Variants in GLRA2 observed in about 807,000 individuals in gnomAD.
GLRA2 encodes the protein glycine receptor alpha 2.
In GLRA2, 11 loss-of-function variants were observed where a neutral mutation model predicts 31.6. That is an observed-to-expected ratio of 0.35 (90% CI 0.22 to 0.58). GLRA2 has a LOEUF of 0.58. GLRA2 is among the 20% of genes least tolerant of loss of function. The pLI is 0.84. For synonymous variants in GLRA2, 132 were observed against 134.0 expected (o/e 0.99, Z 0.10); for missense variants, 212 against 351.8 (o/e 0.60, Z 3.18).
At chrX:14,463,513 CG>C in the GLRA2 span, among the ~76,000 whole-genome samples, 1 of 111,458 alleles carries the variant, frequency 9.0e-6, no homozygotes, top group Non-Finnish European at 1.9e-5. Flanking sequence ...CCACCCATCT[CG>C]GGCTACCCTG....
intron 7 of GLRA2, among the ~76,000 whole-genome samples, chrX:14,609,569 A>G (rs2090376157): frequency 1.8e-5 from 2 of 111,382 alleles, no homozygotes; most frequent in Admixed American, 9.6e-5. Flanking sequence ...ATTTTCAAGT[A>G]TTTATTGGTG....
chrX:14,530,970 A>G, intron 1 of GLRA2: 1 of 861,134 alleles, frequency 1.2e-6, no homozygotes, highest in Non-Finnish European at 1.5e-6. Flanking sequence ...ATTTTTTCAC[A>G]GAACCAAGAT....
chrX:14,613,381 G>A (rs1306490333), intron 7 of GLRA2, among the ~76,000 whole-genome samples: 1 of 111,956 alleles, frequency 8.9e-6, no homozygotes, highest in Non-Finnish European at 1.9e-5. Flanking sequence ...TCATATGTAT[G>A]TGTGTACAAG....
chrX:14,583,120 C>G (rs1333176116), intron 4 of GLRA2, among the ~76,000 whole-genome samples: 1 of 110,916 alleles, frequency 9.0e-6, no homozygotes, highest in Admixed American at 9.6e-5. Context: ...CAATGAGACA[C>G]CATCTCACAC....
At chrX:14,485,138 T>G in the GLRA2 span, among the ~76,000 whole-genome samples, 7 of 112,122 alleles carry the variant, frequency 6.2e-5, no homozygotes, top group African/African-American at 2.3e-4. Context: ...CATCACTCTT[T>G]CACGTACCTT....
chrX:14,700,422 T>C (rs938560819), intron 8 of GLRA2, among the ~76,000 whole-genome samples: 1 of 110,999 alleles, frequency 9.0e-6, no homozygotes, highest in Non-Finnish European at 1.9e-5. Flanking sequence ...AGCACCAGCA[T>C]ATCAGAGACA....
At chrX:14,727,518 T>A (rs2091942360) in intron 8 of GLRA2, among the ~76,000 whole-genome samples, 1 of 111,945 alleles carries the variant, frequency 8.9e-6, no homozygotes, top group African/African-American at 3.2e-5. Context: ...CTATAACAAG[T>A]CCCCTCCTCC....
At chrX:14,550,608 G>A (rs1164921324) in intron 2 of GLRA2, among the ~76,000 whole-genome samples, 1 of 111,080 alleles carries the variant, frequency 9.0e-6, no homozygotes, top group East Asian at 2.8e-4. Flanking sequence ...AGCTAAAAAA[G>A]AGCATCAGGC....
intron 1 of GLRA2, among the ~76,000 whole-genome samples, chrX:14,532,029 C>T (rs927700042): frequency 1.8e-4 from 20 of 111,679 alleles, no homozygotes; most frequent in Non-Finnish European, 2.8e-4. Flanking sequence ...CTGGGTGACG[C>T]GACTCAGGAT....
chrX:14,667,228 A>T (rs2091046029), intron 7 of GLRA2, among the ~76,000 whole-genome samples: 1 of 112,546 alleles, frequency 8.9e-6, no homozygotes, highest in Non-Finnish European at 1.9e-5. Context: ...GATCATTAAA[A>T]TTAGAGAAAA....
At chrX:14,689,356 AT>A (rs1158672774) in intron 7 of GLRA2, among the ~76,000 whole-genome samples, 5 of 112,724 alleles carry the variant, frequency 4.4e-5, no homozygotes, top group Non-Finnish European at 9.4e-5. Context: ...ATGTTTAATC[AT>A]GGTATAGACC....
chrX:14,645,559 C>T (rs2090821267), intron 7 of GLRA2, among the ~76,000 whole-genome samples: 1 of 111,512 alleles, frequency 9.0e-6, no homozygotes, highest in Non-Finnish European at 1.9e-5. Context: ...AATGGCAGAG[C>T]CATTTTTCAA....
intron 7 of GLRA2, among the ~76,000 whole-genome samples, chrX:14,617,678 TCAAC>T (rs113171982): frequency 2.7e-5 from 3 of 112,048 alleles, no homozygotes; most frequent in African/African-American, 9.7e-5. Context: ...CCCAGTTATC[TCAAC>T]CACCAGGTGA....
chrX:14,665,353 C>T (rs939240636), intron 7 of GLRA2, among the ~76,000 whole-genome samples: 10 of 111,965 alleles, frequency 8.9e-5, no homozygotes, highest in Admixed American at 7.6e-4. Flanking sequence ...TTATTGGAGG[C>T]GGCCATATAC....
intron 7 of GLRA2, among the ~76,000 whole-genome samples, chrX:14,622,635 G>A (rs749540215): frequency 5.6e-4 from 63 of 111,545 alleles, no homozygotes; most frequent in African/African-American, 1.6e-3. Flanking sequence ...TCTTGTTCTC[G>A]TTAGGTTTGT....
chrX:14,634,705 A>G lies in GLRA2; in HGVS notation c.930+25500A>G, dbSNP rs151219813. 9.8e-4 allele frequency among the ~76,000 whole-genome samples: 110 copies of G among 111,969 alleles called. 1 individual carries two copies. Among genetic ancestry groups the G allele is most frequent in the African/African-American group, 3.0e-3 (94 of 30,906 alleles). On this transcript the variant is annotated intron_variant, in intron 7 of 8. Transcript: ENST00000218075. ...AAGCCCAAACCATTTGGACTTATCAAATAGACATTGAGGTCCTACAGAAAT... is the reference window on the plus strand; with the variant it reads ...AAGCCCAAACCATTTGGACTTATCAGATAGACATTGAGGTCCTACAGAAAT...
At chrX:14,623,077 T>G (rs886778244) in intron 7 of GLRA2, among the ~76,000 whole-genome samples, 4 of 111,672 alleles carry the variant, frequency 3.6e-5, no homozygotes, top group Non-Finnish European at 7.5e-5. Context: ...CCCTGGTAAG[T>G]TGGATTCCTA....
At chrX:14,620,962 A>G (rs901172483) in intron 7 of GLRA2, among the ~76,000 whole-genome samples, 2 of 111,485 alleles carry the variant, frequency 1.8e-5, no homozygotes, top group Non-Finnish European at 3.8e-5. Context: ...ACTTTCAATC[A>G]TTGCATTCTG....
the GLRA2 span, among the ~76,000 whole-genome samples, chrX:14,470,651 A>G: frequency 8.9e-6 from 1 of 112,057 alleles, no homozygotes; most frequent in Non-Finnish European, 1.9e-5. Context: ...AACCCTGCCT[A>G]GAAACATGAG....
Sources: gnomAD v4.1 joint callset for allele counts (sites outside exome capture counted in the v4.1 genomes callset) on GRCh38, gnomAD v4.1.1 for gene constraint, MANE v1.5 for transcripts, NCBI Gene and HGNC (gene_info 2026-07-23, HGNC 2026-07-21) for gene names.